Variants in NPAS2 observed in about 807,000 individuals in gnomAD.
NPAS2 encodes the protein neuronal PAS domain protein 2.
In NPAS2, 23 loss-of-function variants were observed where a neutral mutation model predicts 107.5. The observed-to-expected ratio is 0.21, with a 90% CI of 0.15 to 0.30. The LOEUF (loss-of-function observed/expected upper bound fraction) is 0.30, where lower values mean the gene tolerates loss of function less well. Ranked by LOEUF, NPAS2 falls within the 10% of genes least tolerant of loss-of-function variation. The pLI is 1.00. For missense variants in NPAS2, 756 were observed against 1,043.3 expected (o/e 0.72, Z 3.79); for synonymous variants, 403 against 417.5 (o/e 0.97, Z 0.42).
intron 12 of NPAS2, among the ~76,000 whole-genome samples, chr2:100,973,832 A>G (rs1188769934): frequency 6.6e-6 from 1 of 151,778 alleles, no homozygotes; most frequent in East Asian, 1.9e-4. Context: ...AATTATCCCA[A>G]CCTTTGTTTG....
intron 1 of NPAS2, among the ~76,000 whole-genome samples, chr2:100,844,474 A>G (rs1478126634): frequency 2.0e-5 from 3 of 152,212 alleles, no homozygotes; most frequent in African/African-American, 7.2e-5. Flanking sequence ...GGTACCGAGG[A>G]GGAGGGGCCC....
chr2:100,919,225 G>A (rs1213003458), intron 2 of NPAS2, among the ~76,000 whole-genome samples: 1 of 152,208 alleles, frequency 6.6e-6, no homozygotes. Context: ...CCAGAGTTTT[G>A]TGGGAGTGGA....
chr2:100,908,556 A>G (rs1448714553), intron 2 of NPAS2, among the ~76,000 whole-genome samples: 1 of 152,122 alleles, frequency 6.6e-6, no homozygotes, highest in South Asian at 2.1e-4. Context: ...CACCTTCCCA[A>G]GGGGTAGAGA....
intron 1 of NPAS2, among the ~76,000 whole-genome samples, chr2:100,852,257 C>T (rs908465381): frequency 1.8e-4 from 27 of 151,916 alleles, no homozygotes; most frequent in Non-Finnish European, 1.2e-4. Context: ...ATTAGCCGGG[C>T]GTGGTGGTGG....
At chr2:100,966,888 T>G (rs1474655397) in intron 10 of NPAS2, among the ~76,000 whole-genome samples, 1 of 152,180 alleles carries the variant, frequency 6.6e-6, no homozygotes, top group Non-Finnish European at 1.5e-5. Flanking sequence ...TAAGCCACTG[T>G]GCCTGGCTAG....
chr2:100,847,739 A>G (rs1184681530), intron 1 of NPAS2, among the ~76,000 whole-genome samples: 1 of 152,230 alleles, frequency 6.6e-6, no homozygotes, highest in Admixed American at 6.5e-5. Context: ...TGTAGGACTC[A>G]AAGGTTGTAG....
intron 2 of NPAS2, among the ~76,000 whole-genome samples, chr2:100,912,121 T>A (rs1682588771): frequency 6.6e-6 from 1 of 152,220 alleles, no homozygotes; most frequent in Non-Finnish European, 1.5e-5. Flanking sequence ...AAATGTGTGT[T>A]CCTTCTACAA....
intron 12 of NPAS2, among the ~76,000 whole-genome samples, chr2:100,973,931 T>A (rs1234113998): frequency 2.6e-5 from 4 of 152,234 alleles, no homozygotes; most frequent in Non-Finnish European, 5.9e-5. Context: ...AACCTCTGCC[T>A]CCGAAGTTCA....
intron 1 of NPAS2, among the ~76,000 whole-genome samples, chr2:100,866,501 G>A (rs1379195975): frequency 6.6e-6 from 1 of 152,188 alleles, no homozygotes; most frequent in Non-Finnish European, 1.5e-5. Flanking sequence ...AAAAAGCAAC[G>A]CAGATGTTGG....
At chr2:100,856,458 A>G (rs1281891549) in intron 1 of NPAS2, among the ~76,000 whole-genome samples, 1 of 152,234 alleles carries the variant, frequency 6.6e-6, no homozygotes, top group Non-Finnish European at 1.5e-5. Context: ...TGGAAAAAGT[A>G]TTCTTTGATA....
intron 2 of NPAS2, among the ~76,000 whole-genome samples, chr2:100,906,414 C>T (rs1027805752): frequency 6.6e-6 from 1 of 152,142 alleles, no homozygotes; most frequent in African/African-American, 2.4e-5. Context: ...CCAACTGACC[C>T]CTCATCTCTC....
intron 2 of NPAS2, among the ~76,000 whole-genome samples, chr2:100,920,644 C>G (rs1683162982): frequency 6.6e-6 from 1 of 152,194 alleles, no homozygotes; most frequent in African/African-American, 2.4e-5. Context: ...TATAAAGTGT[C>G]CTCACCCAAG....
chr2:100,910,366 G>T (rs1453348256), intron 2 of NPAS2, among the ~76,000 whole-genome samples: 3 of 152,004 alleles, frequency 2.0e-5, no homozygotes, highest in Admixed American at 1.3e-4. Flanking sequence ...CTGTTCTGTT[G>T]CTTCTCGGGA....
intron 12 of NPAS2, among the ~76,000 whole-genome samples, chr2:100,972,225 G>C (rs1676624868): frequency 6.6e-6 from 1 of 152,234 alleles, no homozygotes; most frequent in Admixed American, 6.5e-5. Context: ...TGGGATTACA[G>C]GCGTGAGCCA....
intron 1 of NPAS2, among the ~76,000 whole-genome samples, chr2:100,876,637 G>A (rs1243197004): frequency 6.6e-6 from 1 of 152,192 alleles, no homozygotes; most frequent in Non-Finnish European, 1.5e-5. Context: ...TGGGCCTGGT[G>A]TGTGGTTGGT....
intron 2 of NPAS2, among the ~76,000 whole-genome samples, chr2:100,906,691 A>G (rs544133944): frequency 5.3e-5 from 8 of 152,174 alleles, no homozygotes; most frequent in Non-Finnish European, 8.8e-5. Flanking sequence ...CCCGGGTTCA[A>G]GCGCAGGCCA....
intron 15 of NPAS2, among the ~76,000 whole-genome samples, 171 bp downstream of exon 15, chr2:100,977,970 C>G (rs1473766100): frequency 1.3e-5 from 2 of 152,200 alleles, no homozygotes; most frequent in African/African-American, 4.8e-5. Context: ...CACACCCACC[C>G]TCTCGTCTCC....
Position 100,868,629 on chromosome 2 carries a change from T to C in NPAS2, c.-22-36104T>C, listed in dbSNP as rs180995714. Among the ~76,000 whole-genome samples, 148 of 152,340 alleles carry C rather than the reference T, an allele frequency of 9.7e-4. 1 individual carries two copies. Among genetic ancestry groups the C allele is most frequent in the African/African-American group, 3.4e-3 (140 of 41,584 alleles). On this transcript the variant is annotated intron_variant, in intron 1 of 20. Coordinates refer to ENST00000335681, the MANE Select transcript of NPAS2 (RefSeq NM_002518.4). ...TTGAGTTTTGCATGTGTTAGGTCAC[T>C]GTCTGTTGATTTTACTCTCCCTTTT...
intron 1 of NPAS2, among the ~76,000 whole-genome samples, chr2:100,826,603 C>A (rs999833224): frequency 6.6e-6 from 1 of 152,126 alleles, no homozygotes. Context: ...CGTTATTTAA[C>A]CCATCCCTAT....
Sources: gnomAD v4.1 joint callset for allele counts (sites outside exome capture counted in the v4.1 genomes callset) on GRCh38, gnomAD v4.1.1 for gene constraint, MANE v1.5 for transcripts, NCBI Gene and HGNC (gene_info 2026-07-23, HGNC 2026-07-21) for gene names.